Variants in ARMC8 observed in about 807,000 individuals in gnomAD.
ARMC8 encodes the protein armadillo repeat containing 8, also known as armadillo repeat-containing protein 8.
ARMC8 carries 20 observed loss-of-function variants against 99.3 expected under a neutral mutation model. The ratio of observed to expected loss-of-function variants is 0.20; its 90% confidence interval spans 0.14 to 0.29. The LOEUF is 0.29. ARMC8 is among the 10% of genes least tolerant of loss of function. The pLI is 1.00. For missense variants in ARMC8, 569 were observed against 809.5 expected, an observed-to-expected ratio of 0.70 and a Z score of 3.60; for synonymous variants, 263 against 278.3, an observed-to-expected ratio of 0.95 and a Z score of 0.55.
At chr3:138,231,789 A>T (rs186220903) in intron 6 of ARMC8, among the ~76,000 whole-genome samples, 10 of 129,202 alleles carry the variant, frequency 7.7e-5, no homozygotes, top group African/African-American at 2.2e-4. Context: ...CTGGGGGGGG[A>T]AAAAAAAAAG....
Position 138,223,669 on chromosome 3 carries a change from C to T in ARMC8, c.371C>T (p.Ala124Val). The T allele has an allele frequency of 6.2e-7, 1 of 1,614,212 alleles. No homozygotes were observed. Among genetic ancestry groups the T allele is most frequent in the South Asian group, 1.1e-5 (1 of 91,090 alleles). ...TCCCCAGACCTGAAGTTTATTGAAGCTTGCCTCCGATGCCTGCGTACCATC... is the reference window on the plus strand; with the variant it reads ...TCCCCAGACCTGAAGTTTATTGAAGTTTGCCTCCGATGCCTGCGTACCATC... ...LLSPDLKFIE[A>V]CLRCLRTIFT... The change falls in exon 5 of 22, where the codon GCT becomes GTT. Residue 124 changes from alanine to valine, a missense_variant. Ala to Val is a moderately conservative substitution (Grantham distance 64). Transcript: ENST00000469044.
chr3:138,226,529 G>A (rs1028303752), intron 5 of ARMC8, among the ~76,000 whole-genome samples: 5 of 152,168 alleles, frequency 3.3e-5, no homozygotes, highest in African/African-American at 1.2e-4. Flanking sequence ...TGGTCTCAAA[G>A]TACTTTCTTT....
intron 15 of ARMC8, among the ~76,000 whole-genome samples, chr3:138,267,959 C>G (rs1287527391): frequency 1.3e-5 from 2 of 152,086 alleles, no homozygotes; most frequent in Non-Finnish European, 2.9e-5. Flanking sequence ...GATGGAGGTT[C>G]TGGCCAGGCA....
chr3:138,275,946 C>G (rs1293483560), intron 18 of ARMC8, among the ~76,000 whole-genome samples: 2 of 151,940 alleles, frequency 1.3e-5, no homozygotes, highest in African/African-American at 4.8e-5. Flanking sequence ...TACTGAAACA[C>G]AACAATGAAG....
intron 18 of ARMC8, among the ~76,000 whole-genome samples, chr3:138,278,374 C>T (rs182350073): frequency 6.6e-6 from 1 of 151,904 alleles, no homozygotes; most frequent in East Asian, 1.9e-4. Flanking sequence ...GGTATGGTCA[C>T]GCACCTGTAG....
rs2050832356 is a variant in ARMC8 at position 138,290,485 on chromosome 3, G to A, written c.1895-61G>A. 9 of 1,224,396 alleles carry A rather than the reference G, an allele frequency of 7.4e-6. No individual in the cohort carries two copies. In the South Asian group the frequency reaches 9.2e-5, roughly 13 times the overall value. 75.8% of individuals were successfully genotyped at this position (1,224,396 alleles called of 1,614,324 possible). A position where few individuals can be genotyped will look rare whatever the true frequency, so the allele number is the denominator to read the frequency against. On this transcript the variant is annotated intron_variant, in intron 20 of 21. Coordinates refer to ENST00000469044, the MANE Select transcript of ARMC8 (RefSeq NM_001363941.2). The stretch of plus-strand genomic sequence containing the variant: ...CTGGTAAGGCTCTAGATTGTTAATT[G>A]TACATCAAAGAGAGCATTTGCCTGG...
chr3:138,234,973 G>C (rs2046254048), intron 6 of ARMC8, 61 bp from the exon 7 acceptor site: 13 of 1,333,898 alleles, frequency 9.7e-6, no homozygotes, highest in Non-Finnish European at 1.4e-5. Context: ...AAGTAAATGT[G>C]GTTTTATTGG....
chr3:138,247,106 T>C (rs546348360), intron 12 of ARMC8, among the ~76,000 whole-genome samples: 2 of 152,316 alleles, frequency 1.3e-5, no homozygotes, highest in South Asian at 4.1e-4. Context: ...AATTTTATTT[T>C]CAGTGTATAA....
chr3:138,222,283 C>A (rs538989764), intron 3 of ARMC8, among the ~76,000 whole-genome samples: 1 of 152,296 alleles, frequency 6.6e-6, no homozygotes, highest in East Asian at 1.9e-4. Flanking sequence ...GTACAACAGC[C>A]TGATACTTTC....
intron 12 of ARMC8, among the ~76,000 whole-genome samples, chr3:138,252,016 A>G (rs2108215788): frequency 6.6e-6 from 1 of 152,358 alleles, no homozygotes; most frequent in Non-Finnish European, 1.5e-5. Flanking sequence ...ATAATTAAAT[A>G]TGTATGGAAT....
chr3:138,225,732 C>T (rs1363315691), intron 5 of ARMC8, among the ~76,000 whole-genome samples: 2 of 152,140 alleles, frequency 1.3e-5, no homozygotes, highest in South Asian at 2.1e-4. Flanking sequence ...GCTAACACAA[C>T]GAATCATATT....
At chr3:138,249,659 T>TCCAA (rs2047036876) in intron 12 of ARMC8, among the ~76,000 whole-genome samples, 2 of 152,170 alleles carry the variant, frequency 1.3e-5, no homozygotes, top group Non-Finnish European at 2.9e-5. Context: ...CCAATTAGTG[T>TCCAA]CTGATTTTTA....
chr3:138,259,383 T>G (rs374984049), intron 12 of ARMC8, among the ~76,000 whole-genome samples: 122 of 152,342 alleles, frequency 8.0e-4, no homozygotes, highest in African/African-American at 2.9e-3. Flanking sequence ...TTCACTATAG[T>G]GCCCTTTGTA....
chr3:138,212,428 G>C (rs1446666532), intron 2 of ARMC8, among the ~76,000 whole-genome samples: 1 of 150,562 alleles, frequency 6.6e-6, no homozygotes, highest in African/African-American at 2.4e-5. Context: ...TCCTGCCTCA[G>C]CCTCCCGAGT....
chr3:138,206,211 C>T (rs2044363810), intron 1 of ARMC8, among the ~76,000 whole-genome samples: 1 of 152,114 alleles, frequency 6.6e-6, no homozygotes, highest in South Asian at 2.1e-4. Context: ...CTCATATACC[C>T]AAGTAGTTCC....
intron 12 of ARMC8, among the ~76,000 whole-genome samples, chr3:138,257,118 T>C (rs1357133065): frequency 6.6e-6 from 1 of 152,232 alleles, no homozygotes; most frequent in Non-Finnish European, 1.5e-5. Context: ...TGTTTAGTTC[T>C]GTCAGATAGT....
At chr3:138,256,333 A>G (rs2047398967) in intron 12 of ARMC8, among the ~76,000 whole-genome samples, 1 of 151,394 alleles carries the variant, frequency 6.6e-6, no homozygotes, top group African/African-American at 2.4e-5. Flanking sequence ...ACCCCCAACC[A>G]AAGCTGAATC....
rs534470304 is a variant in ARMC8, at chr3:138,275,279, C to T, written c.1725+735C>T. Among the ~76,000 whole-genome samples, 23 of 152,262 alleles carry T rather than the reference C, an allele frequency of 1.5e-4. No individual in the cohort carries two copies. In the East Asian group the frequency reaches 2.7e-3, roughly 18 times the overall value. ...CTCTTTCAAAATTCATTAAGCTGGACGGGTACAGTGGCTCATGCCTGTAAT... is the reference window on the plus strand; with the variant it reads ...CTCTTTCAAAATTCATTAAGCTGGATGGGTACAGTGGCTCATGCCTGTAAT... On this transcript the variant is annotated intron_variant, in intron 18 of 21. Transcript: ENST00000469044.
intron 6 of ARMC8, among the ~76,000 whole-genome samples, chr3:138,232,581 TCTAA>T (rs2046110076): frequency 6.6e-6 from 1 of 152,202 alleles, no homozygotes; most frequent in South Asian, 2.1e-4. Context: ...AATCTAAGTG[TCTAA>T]CTATAGGGTA....
Sources: allele counts gnomAD v4.1 joint callset (sites outside exome capture counted in the v4.1 genomes callset), GRCh38; gene constraint gnomAD v4.1.1; transcripts MANE v1.5; gene names NCBI Gene and HGNC (gene_info 2026-07-23, HGNC 2026-07-21).